Variants in SLC28A2 observed in about 807,000 individuals in gnomAD.
The protein encoded by SLC28A2 is sodium/nucleoside cotransporter 2.
SLC28A2 carries 69 observed loss-of-function variants against 72.9 expected under a neutral mutation model. The observed-to-expected ratio is 0.95, with a 90% CI of 0.78 to 1.16. The LOEUF (loss-of-function observed/expected upper bound fraction) is 1.16, where lower values mean the gene tolerates loss of function less well. Among genes scored for constraint, SLC28A2 ranks in the 50% most tolerant of loss-of-function variants. SLC28A2 has a pLI of 0.00. For missense variants in SLC28A2, 745 were observed against 791.1 expected (o/e 0.94, Z 0.70); for synonymous variants, 296 against 294.1 (o/e 1.01, Z -0.07).
At chr15:45,253,555 A>G (rs1051061071) in intron 3 of SLC28A2, 35 bp downstream of exon 3, 4 of 1,484,954 alleles carry the variant, frequency 2.7e-6, no homozygotes, top group Non-Finnish European at 3.7e-6. Context: ...CAGTTAGGAA[A>G]GGATCTAGGG....
At chr15:45,272,627 G>A (rs776414332) in intron 16 of SLC28A2, 46 bp from the exon 17 acceptor site, 7 of 1,097,730 alleles carry the variant, frequency 6.4e-6, no homozygotes, top group Non-Finnish European at 9.8e-6. Flanking sequence ...GCCTTGAGAA[G>A]CACGTGTCAG....
chr15:45,268,433 C>A, intron 13 of SLC28A2, 55 bp downstream of exon 13: 1 of 1,438,402 alleles, frequency 7.0e-7, no homozygotes, highest in Non-Finnish European at 9.5e-7. Flanking sequence ...GGTAGCCCTT[C>A]AAACATGCAT....
intron 10 of SLC28A2, 116 bp downstream of exon 10, chr15:45,266,277 A>C: frequency 2.7e-6 from 2 of 749,868 alleles, no homozygotes; most frequent in Non-Finnish European, 4.7e-6. Flanking sequence ...TGGGGCAGCC[A>C]ATCTTGGATG....
Position 45,262,047 on chromosome 15 carries a change from G to A in SLC28A2, c.203G>A (p.Ser68Asn). The change falls in exon 4 of 18, where the codon AGT (serine) becomes AAT (asparagine). Residue 68 changes from serine (S) to asparagine (N), a missense_variant. By Grantham distance (46) the Ser-to-Asn change is conservative. Transcript: ENST00000347644. ...CGGTGGCCTTTCAGCAAAGCAAGAA[G>A]TTTCTGCAAAACACACGCCAGCTTG... ...RSRWPFSKAR[S>N]FCKTHASLFK... 1 of 1,613,726 alleles carries A rather than the reference G, an allele frequency of 6.2e-7. No individual in the cohort carries two copies. The highest frequency in any genetic ancestry group is 8.5e-7 in the Non-Finnish European group (1 of 1,179,676).
rs781077022 is a variant in SLC28A2 at position 45,269,351 on chromosome 15, A to G, written c.1382A>G (p.Tyr461Cys). Residue 461 changes from tyrosine (Y) to cysteine (C), a missense_variant, in exon 14 of 18, where the codon TAT (tyrosine) becomes TGT (cysteine). Physicochemically the swap from Tyr to Cys is radical, Grantham distance 194. Transcript: ENST00000347644. ...TCTTTCACTCAGGTCATCTGCTCCT[A>G]TCTCCTAAGGCCCATGGTTTTCATG... Reference protein sequence around the residue: ...QGLTFQVICSYLLRPMVFMMG... With the variant: ...QGLTFQVICSCLLRPMVFMMG... 1.2e-6 allele frequency: 2 copies of G among 1,613,740 alleles called. No individual in the cohort carries two copies. Among genetic ancestry groups the G allele is most frequent in the African/African-American group, 2.7e-5 (2 of 74,954 alleles).
At chr15:45,254,631 GTATCCCTGTTGTTAAGTAACACATGAC>G (rs1018179889) in intron 3 of SLC28A2, among the ~76,000 whole-genome samples, 11 of 152,186 alleles carry the variant, frequency 7.2e-5, no homozygotes, top group Non-Finnish European at 1.3e-4. Flanking sequence ...TTATCAGAAT[GTATCCCTGTTGTTAAGTAACACATGAC>G]TATATATGGA....
At chr15:45,257,197 C>G (rs1349210576) in intron 3 of SLC28A2, among the ~76,000 whole-genome samples, 2 of 152,172 alleles carry the variant, frequency 1.3e-5, no homozygotes, top group African/African-American at 4.8e-5. Context: ...AGGCTCAACT[C>G]AAGAGCAATC....
chr15:45,253,470 C>T lies in SLC28A2; in HGVS notation c.120C>T (p.Asp40=), dbSNP rs761731023. ...EVEPEGSKRT[D]AQGHSLGDGL... ...AGCCTGAGGGAAGCAAGAGGACTGA[C>T]GCACAAGGACACAGCCTGGGGGATG... Residue 40 remains aspartate (D), a synonymous_variant, in exon 3 of 18, where the codon GAC becomes GAT. Transcript: ENST00000347644. 6.3e-5 allele frequency: 102 copies of T among 1,613,764 alleles called. No homozygotes were observed. Among genetic ancestry groups the T allele is most frequent in the Non-Finnish European group, 8.1e-5 (96 of 1,179,804 alleles).
At chr15:45,254,055 C>T (rs1035347667) in intron 3 of SLC28A2, 3 of 152,306 alleles carry the variant, frequency 2.0e-5, no homozygotes, top group Non-Finnish European at 4.4e-5. Context: ...GCTATGTGAA[C>T]AGGGGTCTAG....
rs139939864 is a variant in SLC28A2, at chr15:45,267,720, G to A, written c.1123G>A (p.Ala375Thr). Residue 375 changes from alanine (A) to threonine (T), a missense_variant, in exon 12 of 18, where the codon GCC (alanine) becomes ACC (threonine). By Grantham distance (58) the Ala-to-Thr change is moderately conservative. Coordinates refer to ENST00000347644, the MANE Select transcript of SLC28A2 (RefSeq NM_004212.4). The stretch of plus-strand genomic sequence containing the variant: ...TGTGATGGCCGCCCCTTGTGCTCTC[G>A]CCTCATCAAAGCTAGCGTATCCGGA... ...ASVMAAPCAL[A>T]SSKLAYPEVE... 2.8e-5 allele frequency: 45 copies of A among 1,614,036 alleles called. No homozygotes were observed. The East Asian group carries it at 6.9e-4, about 25-fold the overall frequency.
chr15:45,272,685 TC>T lies in SLC28A2; in HGVS notation c.1764del (p.Arg589GlyfsTer35). On this transcript the variant is annotated frameshift_variant, in exon 17 of 18. Coordinates refer to ENST00000347644, the MANE Select transcript of SLC28A2 (RefSeq NM_004212.4). LOFTEE classifies it high-confidence loss of function. ...CTCCTTTATCCAGGAATCCTCTATG[TC>T]CCCAGGGGAGCTGAAGCTGACTGTG... ...ISACMAGILY[V>X]PRGAEADCVS... 1 of 1,594,476 alleles carries T rather than the reference TC, an allele frequency of 6.3e-7. No individual in the cohort carries two copies. The highest frequency in any genetic ancestry group is 8.6e-7 in the Non-Finnish European group (1 of 1,162,120).
intron 15 of SLC28A2, among the ~76,000 whole-genome samples, chr15:45,271,498 C>A (rs1042937808): frequency 2.6e-5 from 4 of 151,554 alleles, no homozygotes; most frequent in Non-Finnish European, 5.9e-5. Context: ...TCAGATCGAG[C>A]CTCCAGTAAG....
rs1253555822 is a variant in SLC28A2, at chr15:45,272,687, C to T, written c.1762C>T (p.Pro588Ser). ...SACMAGILYV[P>S]RGAEADCVSF... Reference sequence around the variant, plus strand: ...CCTTTATCCAGGAATCCTCTATGTCCCCAGGGGAGCTGAAGCTGACTGTGT... The same window carrying T: ...CCTTTATCCAGGAATCCTCTATGTCTCCAGGGGAGCTGAAGCTGACTGTGT... Residue 588 changes from proline to serine, a missense_variant, in exon 17 of 18, where the codon CCC (proline) becomes TCC (serine). Pro to Ser is a moderately conservative substitution (Grantham distance 74). Transcript: ENST00000347644. The T allele has an allele frequency of 1.9e-6, 3 of 1,599,260 alleles. No individual in the cohort carries two copies. Among genetic ancestry groups the T allele is most frequent in the Non-Finnish European group, 2.6e-6 (3 of 1,166,514 alleles).
rs779151412 is a variant in SLC28A2 at position 45,265,611 on chromosome 15, G to A, written c.809G>A (p.Cys270Tyr). ...QALPIIIFFG[C>Y]VVSILYYLGL... The stretch of plus-strand genomic sequence containing the variant: ...TTACCAATCATCATTTTCTTTGGAT[G>A]TGTGGTGTCCATTCTCTACTACCTG... The change falls in exon 9 of 18, where the codon TGT becomes TAT. Residue 270 changes from cysteine to tyrosine, a missense_variant. Cys to Tyr is a radical substitution (Grantham distance 194). Coordinates refer to ENST00000347644, the MANE Select transcript of SLC28A2 (RefSeq NM_004212.4). The A allele has an allele frequency of 3.1e-6, 5 of 1,613,646 alleles. No individual in the cohort carries two copies. The South Asian group carries it at 3.3e-5, about 11-fold the overall frequency.
intron 3 of SLC28A2, among the ~76,000 whole-genome samples, chr15:45,259,019 C>T (rs951115127): frequency 6.6e-6 from 1 of 152,094 alleles, no homozygotes; most frequent in Non-Finnish European, 1.5e-5. Flanking sequence ...CACATTGTAG[C>T]TTTGGTTTGT....
At chr15:45,274,678 CT>C (rs1343662233) in intron 17 of SLC28A2, among the ~76,000 whole-genome samples, 5 of 151,646 alleles carry the variant, frequency 3.3e-5, no homozygotes, top group Admixed American at 1.3e-4. Flanking sequence ...TTTAAAAATT[CT>C]TTTGATGCAC....
At position 45,272,329 on chromosome 15, in the gene SLC28A2, C is replaced by T. The variant is rs143163315; in HGVS notation, c.1683C>T (p.Ser561=). Residue 561 remains serine, a synonymous_variant, in exon 16 of 18, where the codon TCC becomes TCT. Transcript: ENST00000347644. Reference sequence around the variant, plus strand: ...TACCTCACCGGAAGAGTGACTTGTCCAAGGTTGTGGTCAGGGCCCTCTTCA... The same window carrying T: ...TACCTCACCGGAAGAGTGACTTGTCTAAGGTTGTGGTCAGGGCCCTCTTCA... ...SIVPHRKSDL[S]KVVVRALFTG... The T allele has an allele frequency of 3.7e-5, 59 of 1,613,910 alleles. No homozygotes were observed. In the African/African-American group the frequency reaches 7.5e-4, roughly 20 times the overall value.
chr15:45,257,019 A>G (rs897517511), intron 3 of SLC28A2, among the ~76,000 whole-genome samples: 10 of 152,144 alleles, frequency 6.6e-5, no homozygotes, highest in African/African-American at 2.4e-4. Flanking sequence ...AACTCTTGCA[A>G]TTCCCTTTCT....
In SLC28A2 at chr15:45,270,225, C is replaced by A; in HGVS notation, c.1597C>A (p.Leu533Ile). Residue 533 changes from leucine to isoleucine, a missense_variant, in exon 15 of 18, where the codon CTC becomes ATC. Transcript: ENST00000347644. ...VRAEIITTFSLCGFANLSSIG... is the reference protein window; with the variant it reads ...VRAEIITTFSICGFANLSSIG... ...AGCTGAAATCATTACAACATTTTCA[C>A]TCTGTGGATTTGCCAATCTTAGTTC... 6.2e-7 allele frequency: 1 copy of A among 1,613,782 alleles called. No individual in the cohort carries two copies. The highest frequency in any genetic ancestry group is 8.5e-7 in the Non-Finnish European group (1 of 1,179,642).
Sources: gnomAD v4.1 joint callset for allele counts (sites outside exome capture counted in the v4.1 genomes callset) on GRCh38, gnomAD v4.1.1 for gene constraint, MANE v1.5 for transcripts, NCBI Gene and HGNC (gene_info 2026-07-23, HGNC 2026-07-21) for gene names.